Variants in GRID2 observed in about 807,000 individuals in gnomAD.
GRID2 encodes glutamate receptor ionotropic, delta-2.
A neutral mutation model predicts 114.8 loss-of-function variants in GRID2; 33 were observed. The ratio of observed to expected loss-of-function variants is 0.29; its 90% CI spans 0.22 to 0.38. The LOEUF (loss-of-function observed/expected upper bound fraction) is 0.38. GRID2 is among the 10% of genes least tolerant of loss of function. The pLI is 1.00. For missense variants in GRID2, 1,184 were observed against 1,257.7 expected (o/e 0.94, Z 0.89); for synonymous variants, 505 against 449.9 (o/e 1.12, Z -1.55).
intron 2 of GRID2, among the ~76,000 whole-genome samples, chr4:92,877,770 C>T (rs1295353510): frequency 2.0e-5 from 3 of 152,218 alleles, no homozygotes; most frequent in East Asian, 3.9e-4. Context: ...TATGCCACAC[C>T]TTTAGGGACA....
At chr4:92,719,369 A>C (rs1003583890) in intron 2 of GRID2, among the ~76,000 whole-genome samples, 5 of 152,156 alleles carry the variant, frequency 3.3e-5, no homozygotes, top group African/African-American at 1.2e-4. Context: ...TATAGAAAGC[A>C]TATTTGTCCA....
intron 2 of GRID2, among the ~76,000 whole-genome samples, chr4:92,914,447 G>T (rs1490786651): frequency 3.3e-5 from 5 of 152,036 alleles, no homozygotes; most frequent in Admixed American, 6.6e-5. Context: ...GGTTTGGAGT[G>T]TAAGTGCAGG....
At chr4:92,537,190 G>A (rs548710443) in intron 1 of GRID2, among the ~76,000 whole-genome samples, 4 of 152,202 alleles carry the variant, frequency 2.6e-5, no homozygotes, top group Non-Finnish European at 2.9e-5. Context: ...TGCACTCATT[G>A]TATGTTGGAG....
intron 2 of GRID2, among the ~76,000 whole-genome samples, chr4:92,682,591 A>G (rs1733702187): frequency 6.6e-6 from 1 of 151,682 alleles, no homozygotes; most frequent in South Asian, 2.1e-4. Flanking sequence ...TTATTGGTGA[A>G]CGATTTCTTT....
At chr4:92,422,611 G>C (rs1432912965) in intron 1 of GRID2, among the ~76,000 whole-genome samples, 1 of 151,928 alleles carries the variant, frequency 6.6e-6, no homozygotes, top group Non-Finnish European at 1.5e-5. Context: ...TCCTGGGTGG[G>C]GGCCACAAGA....
At chr4:93,566,693 C>G (rs1735455849) in intron 13 of GRID2, among the ~76,000 whole-genome samples, 1 of 151,994 alleles carries the variant, frequency 6.6e-6, no homozygotes. Flanking sequence ...TCGCCTGAAC[C>G]CAGGAGATGG....
chr4:92,432,550 C>G (rs911382383), intron 1 of GRID2, among the ~76,000 whole-genome samples: 1 of 152,120 alleles, frequency 6.6e-6, no homozygotes, highest in Non-Finnish European at 1.5e-5. Context: ...TGGGGTACTA[C>G]TTGGCTACTG....
intron 1 of GRID2, among the ~76,000 whole-genome samples, chr4:92,365,837 G>A (rs1728836496): frequency 6.6e-6 from 1 of 151,956 alleles, no homozygotes; most frequent in South Asian, 2.1e-4. Flanking sequence ...GGTGATTCTG[G>A]TGTCAGCTGG....
intron 1 of GRID2, among the ~76,000 whole-genome samples, chr4:92,315,143 T>C (rs1434055945): frequency 6.6e-6 from 1 of 152,154 alleles, no homozygotes; most frequent in Admixed American, 6.5e-5. Context: ...ATTTTGCACC[T>C]AAAATAATAA....
At chr4:92,313,087 G>A (rs898873713) in intron 1 of GRID2, among the ~76,000 whole-genome samples, 12 of 115,486 alleles carry the variant, frequency 1.0e-4, no homozygotes, top group Non-Finnish European at 2.0e-4. Context: ...TGATATGTGT[G>A]TGTGTGTGTG....
At chr4:92,613,384 C>T (rs564901905) in intron 2 of GRID2, among the ~76,000 whole-genome samples, 2 of 151,386 alleles carry the variant, frequency 1.3e-5, no homozygotes, top group Non-Finnish European at 3.0e-5. Flanking sequence ...GTGATATTCT[C>T]TTCTTGTGAT....
chr4:92,959,003 C>G (rs1026179519), intron 2 of GRID2, among the ~76,000 whole-genome samples: 1 of 146,856 alleles, frequency 6.8e-6, no homozygotes, highest in Admixed American at 6.8e-5. Flanking sequence ...TCCATTAGAT[C>G]TGTAGTGATG....
intron 1 of GRID2, among the ~76,000 whole-genome samples, chr4:92,324,423 G>A (rs1263695705): frequency 6.6e-6 from 1 of 151,714 alleles, no homozygotes; most frequent in Non-Finnish European, 1.5e-5. Context: ...TATTTGCTTG[G>A]GAATATTTTA....
At chr4:93,615,625 A>G (rs1206324942) in intron 13 of GRID2, among the ~76,000 whole-genome samples, 1 of 150,286 alleles carries the variant, frequency 6.7e-6, no homozygotes, top group African/African-American at 2.5e-5. Context: ...GCTAATAATA[A>G]AAGGCCTTCA....
At chr4:92,902,722 T>C (rs2149482022) in intron 2 of GRID2, among the ~76,000 whole-genome samples, 1 of 152,196 alleles carries the variant, frequency 6.6e-6, no homozygotes, top group East Asian at 1.9e-4. Flanking sequence ...AGTCCAATAT[T>C]CCCAGTACCG....
chr4:93,193,324 A>C (rs1484271877), intron 4 of GRID2, among the ~76,000 whole-genome samples: 1 of 152,032 alleles, frequency 6.6e-6, no homozygotes, highest in Non-Finnish European at 1.5e-5. Flanking sequence ...CTCATCTTGA[A>C]TTGTAGTTCC....
chr4:92,825,176 A>C (rs2149391962), intron 2 of GRID2, among the ~76,000 whole-genome samples: 2 of 152,184 alleles, frequency 1.3e-5, no homozygotes, highest in African/African-American at 2.4e-5. Flanking sequence ...GGGATGAAAA[A>C]CCAGTAGTAA....
chr4:92,941,962 A>G (rs1048613977), intron 2 of GRID2, among the ~76,000 whole-genome samples: 3 of 152,074 alleles, frequency 2.0e-5, no homozygotes, highest in African/African-American at 4.8e-5. Flanking sequence ...GTTCTTTTAC[A>G]TTTGCTGAGG....
intron 2 of GRID2, among the ~76,000 whole-genome samples, chr4:92,724,118 T>C (rs1439707449): frequency 2.0e-5 from 3 of 152,138 alleles, no homozygotes; most frequent in African/African-American, 7.2e-5. Context: ...CTATAAGACA[T>C]TCTTTTTAAA....
Sources: gnomAD v4.1 joint callset for allele counts (sites outside exome capture counted in the v4.1 genomes callset) on GRCh38, gnomAD v4.1.1 for gene constraint, MANE v1.5 for transcripts, NCBI Gene and HGNC (gene_info 2026-07-23, HGNC 2026-07-21) for gene names.